Variants in ZNF395 observed in about 807,000 individuals in gnomAD.
ZNF395 encodes HD gene regulatory region-binding protein 2.
Under a neutral mutation model 57.7 loss-of-function variants are expected in ZNF395, and 20 were observed. The ratio of observed to expected loss-of-function variants is 0.35; its 90% confidence interval spans 0.24 to 0.50. The LOEUF (loss-of-function observed/expected upper bound fraction) is 0.50. ZNF395 is among the 20% of genes least tolerant of loss of function. The probability of loss-of-function intolerance (pLI) is 0.97; values close to 1 mark genes in which losing one functional copy is unlikely to be tolerated. For synonymous variants in ZNF395, 295 were observed against 275.9 expected (o/e 1.07, Z -0.69); for missense variants, 606 against 671.2 (o/e 0.90, Z 1.07).
At chr8:28,365,882 G>A (rs182649818) in intron 1 of ZNF395, among the ~76,000 whole-genome samples, 5 of 152,304 alleles carry the variant, frequency 3.3e-5, no homozygotes, top group Non-Finnish European at 5.9e-5. Flanking sequence ...TGTGGTTCGG[G>A]GTTGCAAACT....
chr8:28,364,363 G>A (rs1278887728), intron 1 of ZNF395, among the ~76,000 whole-genome samples: 2 of 152,122 alleles, frequency 1.3e-5, no homozygotes, highest in Admixed American at 1.3e-4. Flanking sequence ...GGGAAAAATA[G>A]CTCCTGGACA....
chr8:28,360,969 G>C lies in ZNF395; in HGVS notation c.156C>G (p.Thr52=), dbSNP rs368449433. Residue 52 remains threonine, a synonymous_variant, in exon 2 of 10, where the codon ACC becomes ACG. Transcript: ENST00000344423. ...APQPFTTSDD[T]PCQEQPKEVL... ...CTTCCTTGGGCTGCTCCTGGCAGGG[G>C]GTGTCATCAGAGGTGGTGAAAGGCT... The C allele has an allele frequency of 5.6e-6, 9 of 1,613,568 alleles. No individual in the cohort carries two copies. Among genetic ancestry groups the C allele is most frequent in the Non-Finnish European group, 7.6e-6 (9 of 1,179,776 alleles).
In ZNF395 at chr8:28,351,798, C is replaced by T; in HGVS notation, c.930G>A (p.Val310=). ...CCTCCCGCTTGAACTGATCAGAGTC[C>T]ACTGTGTCCCTGTGTGGGAGGGAGA... ...HVKALHLGDT[V]DSDQFKREED... The change falls in exon 7 of 10, where the codon GTG becomes GTA. Residue 310 remains valine (V), a synonymous_variant. Coordinates refer to ENST00000344423, the MANE Select transcript of ZNF395 (RefSeq NM_018660.3). 6.5e-7 allele frequency: 1 copy of T among 1,550,128 alleles called. No individual in the cohort carries two copies. Among genetic ancestry groups the T allele is most frequent in the Non-Finnish European group, 8.7e-7 (1 of 1,150,104 alleles).
chr8:28,381,316 C>G (rs1802107407), intron 1 of ZNF395, among the ~76,000 whole-genome samples: 1 of 152,158 alleles, frequency 6.6e-6, no homozygotes, highest in African/African-American at 2.4e-5. Flanking sequence ...GCTGGGATAA[C>G]AGGCGTGAGC....
At chr8:28,382,144 C>T (rs1802116880) in intron 1 of ZNF395, among the ~76,000 whole-genome samples, 1 of 152,084 alleles carries the variant, frequency 6.6e-6, no homozygotes, top group African/African-American at 2.4e-5. Flanking sequence ...TGGACTGAGG[C>T]AAAAGGAAGC....
At position 28,356,065 on chromosome 8, in the gene ZNF395, A is replaced by C. The variant is rs772380605; in HGVS notation, c.583+605T>G. Among the ~76,000 whole-genome samples the C allele has an allele frequency of 6.6e-6, 1 of 152,242 alleles. No homozygotes were observed. The highest frequency in any genetic ancestry group is 1.5e-5 in the Non-Finnish European group (1 of 68,052). The stretch of plus-strand genomic sequence containing the variant: ...TACCAGTCTTGCCAAACTACTGACA[A>C]ATACTCAGCAACCCTTTTTTCCCTC... On this transcript the variant is annotated intron_variant, in intron 4 of 9. Coordinates refer to ENST00000344423, the MANE Select transcript of ZNF395 (RefSeq NM_018660.3). The surrounding 1 kb of genome is among the most constrained non-coding windows in gnomAD (Gnocchi z 4.0).
chr8:28,349,405 C>T (rs1378205997), intron 8 of ZNF395, among the ~76,000 whole-genome samples, 177 bp from the exon 9 acceptor site: 2 of 152,176 alleles, frequency 1.3e-5, no homozygotes, highest in African/African-American at 4.8e-5. Context: ...AGGAGCAGGC[C>T]TTCATGCCAC....
intron 1 of ZNF395, chr8:28,385,060 G>A (rs1363079528): frequency 3.3e-5 from 5 of 152,252 alleles, no homozygotes; most frequent in African/African-American, 4.8e-5. Context: ...GAAGGCCTTA[G>A]ATACCTGTGG....
rs757440658 is a variant in ZNF395, at chr8:28,351,584, G to A, written c.1144C>T (p.Pro382Ser). The change falls in exon 7 of 10, where the codon CCT becomes TCT. Residue 382 changes from proline to serine, a missense_variant. By Grantham distance (74) the Pro-to-Ser change is moderately conservative. Around this residue, in one of 3 missense-constraint regions of ZNF395, gnomAD observed 261 missense variants for 240.3 expected, o/e 1.09. Coordinates refer to ENST00000344423, the MANE Select transcript of ZNF395 (RefSeq NM_018660.3). The stretch of plus-strand genomic sequence containing the variant: ...GAGGGCAGGGAGGACTCCGGGCCAG[G>A]ATGTTCTGGGCCGGAGGACTGGGCT... ...HKAQSSGPEH[P>S]GPESSLPSGA... is the part of the protein sequence containing the mutation. The A allele has an allele frequency of 6.2e-7, 1 of 1,613,678 alleles. No individual in the cohort carries two copies.
Position 28,360,867 on chromosome 8 carries a change from A to C in ZNF395, c.240+18T>G. ...GACTGGCAAGACGGGACACCTGTCCATGTTGGGATCAACCTACCTTCTGCC... is the reference window on the plus strand; with the variant it reads ...GACTGGCAAGACGGGACACCTGTCCCTGTTGGGATCAACCTACCTTCTGCC... On this transcript the variant is annotated intron_variant, in intron 2 of 9. Coordinates refer to ENST00000344423, the MANE Select transcript of ZNF395 (RefSeq NM_018660.3). 6.2e-7 allele frequency: 1 copy of C among 1,612,472 alleles called. No individual in the cohort carries two copies. Among genetic ancestry groups the C allele is most frequent in the Non-Finnish European group, 8.5e-7 (1 of 1,179,472 alleles).
chr8:28,349,467 C>T (rs1801651113), intron 8 of ZNF395, among the ~76,000 whole-genome samples: 1 of 152,218 alleles, frequency 6.6e-6, no homozygotes, highest in Non-Finnish European at 1.5e-5. Context: ...ACCTGGCCCC[C>T]TCTGAGGCTC....
intron 2 of ZNF395, among the ~76,000 whole-genome samples, chr8:28,360,207 C>T (rs1801831739): frequency 6.6e-6 from 1 of 152,240 alleles, no homozygotes; most frequent in African/African-American, 2.4e-5. Flanking sequence ...GCTGAGTCTA[C>T]CTGGGGACAA....
chr8:28,369,204 T>C (rs1801948073), intron 1 of ZNF395, among the ~76,000 whole-genome samples: 1 of 151,996 alleles, frequency 6.6e-6, no homozygotes, highest in Non-Finnish European at 1.5e-5. Flanking sequence ...CAAAAGTCAT[T>C]TGAATGGATC....
intron 1 of ZNF395, chr8:28,385,055 C>G (rs1000536592): frequency 6.6e-6 from 1 of 152,278 alleles, no homozygotes; most frequent in African/African-American, 2.4e-5. Flanking sequence ...GTCAAGAAGG[C>G]CTTAGATACC....
chr8:28,363,958 T>TA (rs1037410573), intron 1 of ZNF395, among the ~76,000 whole-genome samples: 1 of 152,208 alleles, frequency 6.6e-6, no homozygotes, highest in African/African-American at 2.4e-5. Context: ...TGGCCAGAAT[T>TA]CCACACCAAA....
At position 28,352,132 on chromosome 8, in the gene ZNF395, C is replaced by CG. The variant is rs1302942839; in HGVS notation, c.921-326_921-325insC. ...CTGCCTGCAGTCACGCTTTCTCCCC[C>CG]AGGGCCATGAGTCAGCTCCTACCAC... On this transcript the variant is annotated intron_variant, in intron 6 of 9. Transcript: ENST00000344423. The surrounding 1 kb of genome is among the most constrained non-coding windows in gnomAD (Gnocchi z 4.0). Among the ~76,000 whole-genome samples, 2 of 152,224 alleles carry CG rather than the reference C, an allele frequency of 1.3e-5. No individual in the cohort carries two copies. The highest frequency in any genetic ancestry group is 3.8e-4 in the East Asian group (2 of 5,200).
At chr8:28,386,220 G>A (rs1802179222) in intron 1 of ZNF395, 173 bp downstream of exon 1, 1 of 150,518 alleles carries the variant, frequency 6.6e-6, no homozygotes, top group South Asian at 2.1e-4. Context: ...TCACGTACGC[G>A]GCCGCGGCCA....
chr8:28,382,904 T>A (rs540653168), intron 1 of ZNF395, among the ~76,000 whole-genome samples: 41 of 152,326 alleles, frequency 2.7e-4, no homozygotes, highest in African/African-American at 9.4e-4. Context: ...ATGTCAGAGA[T>A]GACACCAAGC....
At chr8:28,384,421 C>T (rs1802146138) in intron 1 of ZNF395, among the ~76,000 whole-genome samples, 1 of 152,196 alleles carries the variant, frequency 6.6e-6, no homozygotes, top group Non-Finnish European at 1.5e-5. Flanking sequence ...GTGACTGATC[C>T]CTGCCCACAA....
Sources: gnomAD v4.1 joint callset for allele counts (sites outside exome capture counted in the v4.1 genomes callset) on GRCh38, gnomAD v4.1.1 for gene constraint, gnomAD v4.1.1 regional missense constraint, Gnocchi (gnomAD v3.1) non-coding constraint, MANE v1.5 for transcripts, NCBI Gene and HGNC (gene_info 2026-07-23, HGNC 2026-07-21) for gene names.